RALGAPA2: variants seen among roughly 807,000 people sequenced by gnomAD.
RALGAPA2 encodes Ral GTPase activating protein catalytic subunit alpha 2, also known as ral GTPase-activating protein subunit alpha-2.
A neutral mutation model predicts 230.4 loss-of-function variants in RALGAPA2; 139 were observed. The ratio of observed to expected loss-of-function variants is 0.60; its 90% confidence interval spans 0.53 to 0.69. The LOEUF (loss-of-function observed/expected upper bound fraction) is 0.69, where lower values mean the gene tolerates loss of function less well. RALGAPA2 is among the 30% of genes least tolerant of loss of function. The pLI is 0.00. For missense variants in RALGAPA2, 2,163 were observed against 2,276.0 expected, an observed-to-expected ratio of 0.95 and a Z score of 1.01; for synonymous variants, 847 against 837.8, an observed-to-expected ratio of 1.01 and a Z score of -0.19.
chr20:20,703,047 C>T (rs1256909950), intron 1 of RALGAPA2, among the ~76,000 whole-genome samples: 2 of 152,072 alleles, frequency 1.3e-5, no homozygotes, highest in East Asian at 1.9e-4. Context: ...GTGGCACAAG[C>T]CTGTGATCCC....
intron 9 of RALGAPA2, among the ~76,000 whole-genome samples, chr20:20,633,111 C>G (rs375700733): frequency 1.4e-5 from 2 of 146,972 alleles, no homozygotes; most frequent in African/African-American, 5.0e-5. Flanking sequence ...CCTTCTCTTT[C>G]TTTCTCTCTC....
intron 27 of RALGAPA2, among the ~76,000 whole-genome samples, chr20:20,529,110 G>A (rs543966576): frequency 6.6e-6 from 1 of 152,350 alleles, no homozygotes; most frequent in South Asian, 2.1e-4. Flanking sequence ...AGGGCAGTGG[G>A]GAGGGAGGTG....
chr20:20,401,639 A>G (rs2122674801), intron 38 of RALGAPA2, among the ~76,000 whole-genome samples: 1 of 152,336 alleles, frequency 6.6e-6, no homozygotes, highest in East Asian at 1.9e-4. Context: ...AATAATCAAC[A>G]GCTCAAGAAA....
At chr20:20,638,695 T>C (rs969824750) in intron 7 of RALGAPA2, among the ~76,000 whole-genome samples, 2 of 152,160 alleles carry the variant, frequency 1.3e-5, no homozygotes, top group African/African-American at 4.8e-5. Context: ...CAGCTGGCAT[T>C]TGAGATGCAT....
At chr20:20,658,943 G>T (rs1485908608) in intron 3 of RALGAPA2, among the ~76,000 whole-genome samples, 1 of 152,136 alleles carries the variant, frequency 6.6e-6, no homozygotes, top group African/African-American at 2.4e-5. Context: ...CTAACTCATG[G>T]GAAGGTAATC....
chr20:20,454,586 G>T (rs1363543073), intron 37 of RALGAPA2, among the ~76,000 whole-genome samples: 1 of 152,218 alleles, frequency 6.6e-6, no homozygotes, highest in Admixed American at 6.5e-5. Flanking sequence ...TGGAAGCCAG[G>T]TAAAGAACTG....
chr20:20,586,262 C>T (rs2146051510), intron 18 of RALGAPA2, among the ~76,000 whole-genome samples: 1 of 152,270 alleles, frequency 6.6e-6, no homozygotes, highest in South Asian at 2.1e-4. Context: ...GAAACCAGGG[C>T]AGTGAAACGT....
chr20:20,583,126 A>C lies in RALGAPA2; in HGVS notation c.2631T>G (p.Thr877=). ...QTCEEDPELN[T]PTDVVADADA... Reference sequence around the variant, plus strand: ...CAGCATCAGCCACAACATCTGTGGGAGTATTCAGTTCTGGGTCTTCCTCAC... The same window carrying C: ...CAGCATCAGCCACAACATCTGTGGGCGTATTCAGTTCTGGGTCTTCCTCAC... Residue 877 remains threonine, a synonymous_variant, in exon 20 of 40, where the codon ACT becomes ACG. Transcript: ENST00000202677. The C allele has an allele frequency of 6.2e-7, 1 of 1,613,680 alleles. No individual in the cohort carries two copies. Among genetic ancestry groups the C allele is most frequent in the Non-Finnish European group, 8.5e-7 (1 of 1,179,722 alleles).
chr20:20,629,247 C>T (rs534986548), intron 10 of RALGAPA2, 116 bp downstream of exon 10: 40 of 807,526 alleles, frequency 5.0e-5, no homozygotes, highest in Admixed American at 3.7e-4. Flanking sequence ...TAACCCAACT[C>T]ACCAATTCTA....
intron 3 of RALGAPA2, among the ~76,000 whole-genome samples, chr20:20,658,565 A>G (rs1330621907): frequency 2.0e-5 from 3 of 152,242 alleles, no homozygotes; most frequent in Non-Finnish European, 1.5e-5. Context: ...ACTTTTCTGA[A>G]AAACACACAG....
chr20:20,633,083 T>A (rs1372585848), intron 9 of RALGAPA2, among the ~76,000 whole-genome samples: 1 of 151,236 alleles, frequency 6.6e-6, no homozygotes, highest in East Asian at 1.9e-4. Flanking sequence ...CTTTCTTTCC[T>A]CCTTTCCTTC....
At chr20:20,450,571 A>T (rs1342225503) in intron 37 of RALGAPA2, among the ~76,000 whole-genome samples, 2 of 152,360 alleles carry the variant, frequency 1.3e-5, no homozygotes, top group Non-Finnish European at 2.9e-5. Context: ...GCGGCCATAG[A>T]GTCAGGTTGG....
intron 38 of RALGAPA2, among the ~76,000 whole-genome samples, chr20:20,409,728 T>C (rs1158218644): frequency 1.3e-5 from 2 of 152,230 alleles, no homozygotes; most frequent in Non-Finnish European, 2.9e-5. Context: ...GCGAAGCCAG[T>C]ATGTAAGCTA....
chr20:20,573,094 C>T (rs758016054), intron 20 of RALGAPA2, 26 bp from the exon 21 acceptor site: 2 of 1,539,254 alleles, frequency 1.3e-6, no homozygotes, highest in Admixed American at 3.9e-5. Flanking sequence ...TGTCTGTTAA[C>T]CCTGTAAACA....
intron 23 of RALGAPA2, among the ~76,000 whole-genome samples, chr20:20,554,550 T>C (rs1568572688): frequency 6.6e-6 from 1 of 152,244 alleles, no homozygotes; most frequent in Admixed American, 6.5e-5. Flanking sequence ...AGTTTAAGTC[T>C]ATGTCTTTCA....
chr20:20,650,746 T>C (rs2067370176), intron 4 of RALGAPA2, among the ~76,000 whole-genome samples: 3 of 152,320 alleles, frequency 2.0e-5, no homozygotes, highest in South Asian at 4.1e-4. Flanking sequence ...ATACCTGGTA[T>C]TTCCCTATAG....
chr20:20,512,248 C>CACACACACACAT (rs2062733897), intron 32 of RALGAPA2, among the ~76,000 whole-genome samples: 3 of 151,524 alleles, frequency 2.0e-5, no homozygotes, highest in African/African-American at 4.8e-5. Flanking sequence ...CATACACACA[C>CACACACACACAT]ACACACACAC....
At chr20:20,423,253 C>A (rs1437651926) in intron 37 of RALGAPA2, among the ~76,000 whole-genome samples, 1 of 152,106 alleles carries the variant, frequency 6.6e-6, no homozygotes, top group African/African-American at 2.4e-5. Context: ...TCCTGGGGGA[C>A]AACTTCAGGG....
intron 4 of RALGAPA2, among the ~76,000 whole-genome samples, chr20:20,651,867 T>C (rs1295005541): frequency 6.6e-6 from 1 of 152,232 alleles, no homozygotes; most frequent in African/African-American, 2.4e-5. Context: ...TGTCAGCCAT[T>C]CCTACGGTAC....
Sources: allele counts gnomAD v4.1 joint callset (sites outside exome capture counted in the v4.1 genomes callset), GRCh38; gene constraint gnomAD v4.1.1; transcripts MANE v1.5; gene names NCBI Gene and HGNC (gene_info 2026-07-23, HGNC 2026-07-21).